TPGS2: variants seen among roughly 807,000 people sequenced by gnomAD.
TPGS2 encodes polyglutamylase subunit 2.
A neutral mutation model predicts 31.1 loss-of-function variants in TPGS2; 26 were observed. The observed-to-expected ratio is 0.84, with a 90% CI of 0.61 to 1.16. TPGS2 has a LOEUF of 1.16. Ranked by LOEUF, TPGS2 falls within the 50% of genes most tolerant of loss-of-function variation. The pLI is 0.00. For missense variants in TPGS2, 351 were observed against 363.8 expected (o/e 0.96, Z 0.29); for synonymous variants, 130 against 136.6 (o/e 0.95, Z 0.34).
In TPGS2 at chr18:36,796,442, C is replaced by CAAT; in HGVS notation, c.*360_*362dup. 1.9e-6 allele frequency: 2 copies of CAAT among 1,032,834 alleles called. No homozygotes were observed. The highest frequency in any genetic ancestry group is 9.2e-5 in the South Asian group (2 of 21,724). The allele number at this position is 1,032,834 out of a possible 1,614,324, so 64.0% of individuals were successfully genotyped here. On this transcript the variant is annotated 3_prime_UTR_variant, in exon 7 of 7. Coordinates refer to ENST00000334295, the MANE Select transcript of TPGS2 (RefSeq NM_015476.4). ...ATGTGACTAGTGGCTCCTGAATGAA[C>CAAT]AATGCAGTTCTAATGCTTCATGGGT...
chr18:36,824,381 C>G (rs1051758932), intron 1 of TPGS2, among the ~76,000 whole-genome samples: 1 of 152,036 alleles, frequency 6.6e-6, no homozygotes, highest in African/African-American at 2.4e-5. Flanking sequence ...AAATGAAATC[C>G]AGAAAGGGAA....
Position 36,818,914 on chromosome 18 carries a change from T to C in TPGS2, c.145A>G (p.Met49Val). Residue 49 changes from methionine (M) to valine (V), a missense_variant, in exon 2 of 7, where the codon ATG (methionine) becomes GTG (valine). Physicochemically the swap from Met to Val is conservative, Grantham distance 21. Transcript: ENST00000334295. ...CTTACTTGTTCCCAGGAAGAAATCA[T>C]ATGACGTTCAGCAGGAGGCTTTTCT... ...IIEKPPAERH[M>V]ISSWEQKNNC... is the part of the protein sequence containing the mutation. The C allele has an allele frequency of 1.9e-6, 3 of 1,613,718 alleles. No individual in the cohort carries two copies. Among genetic ancestry groups the C allele is most frequent in the Admixed American group, 1.7e-5 (1 of 60,002 alleles).
intron 4 of TPGS2, 70 bp from the exon 5 acceptor site, chr18:36,800,381 T>G: frequency 7.5e-7 from 1 of 1,326,718 alleles, no homozygotes; most frequent in Non-Finnish European, 1.1e-6. Flanking sequence ...ATATCCAACT[T>G]TGCTAGGTGG....
intron 4 of TPGS2, among the ~76,000 whole-genome samples, chr18:36,801,168 C>T (rs1304219174): frequency 6.6e-6 from 1 of 152,100 alleles, no homozygotes; most frequent in African/African-American, 2.4e-5. Flanking sequence ...CTGTACATGC[C>T]CTTATATTCT....
At chr18:36,792,869 A>G (rs1376151500), downstream of TPGS2, among the ~76,000 whole-genome samples, 2 of 152,232 alleles carry the variant, frequency 1.3e-5, no homozygotes, top group Non-Finnish European at 2.9e-5. Flanking sequence ...ATGCATCATG[A>G]GGCATTCTGC....
chr18:36,813,905 T>C, intron 2 of TPGS2, among the ~76,000 whole-genome samples: 1 of 152,120 alleles, frequency 6.6e-6, no homozygotes, highest in Non-Finnish European at 1.5e-5. Flanking sequence ...ACTAGTCACA[T>C]GGTGTCGCAG....
chr18:36,785,580 AG>A lies in TPGS2; in HGVS notation c.658-2450del, dbSNP rs569293044. 1.8e-4 allele frequency among the ~76,000 whole-genome samples: 28 copies of A among 152,294 alleles called. No homozygotes were observed. The South Asian group carries it at 5.8e-3, about 32-fold the overall frequency. ...CCAAGCCCATTTTATTCTCCTAATG[AG>A]CACTATTGTCTTTAAGAATAATTTT... On this transcript the variant is annotated intron_variant, in intron 6 of 6. Transcript: ENST00000587129.
At chr18:36,822,780 T>C (rs2045951454) in intron 1 of TPGS2, among the ~76,000 whole-genome samples, 1 of 152,122 alleles carries the variant, frequency 6.6e-6, no homozygotes. Context: ...TTTTTTTTTG[T>C]AGAGACAGGG....
At chr18:36,797,799 T>C (rs147157531) in intron 6 of TPGS2, among the ~76,000 whole-genome samples, 1 of 152,046 alleles carries the variant, frequency 6.6e-6, no homozygotes, top group African/African-American at 2.4e-5. Flanking sequence ...CCAGGTTGTA[T>C]ACCTGGCATC....
intron 6 of TPGS2, chr18:36,798,121 G>A: frequency 1.8e-6 from 2 of 1,104,604 alleles, no homozygotes; most frequent in Non-Finnish European, 2.2e-6. Context: ...ACAGGGGAGT[G>A]AGAATCTGAC....
chr18:36,795,743 A>T lies in TPGS2; in HGVS notation c.*1062T>A, dbSNP rs1352793862. 1 of 985,172 alleles carries T rather than the reference A, an allele frequency of 1.0e-6. No individual in the cohort carries two copies. Among genetic ancestry groups the T allele is most frequent in the East Asian group, 1.1e-4 (1 of 8,824 alleles). 61.0% of individuals were successfully genotyped at this position (985,172 alleles called of 1,614,324 possible). A position where few individuals can be genotyped will look rare whatever the true frequency, so the allele number is the denominator to read the frequency against. Reference sequence around the variant, plus strand: ...ATTACAGGCAACTTGCTTCCAAAGGAACTCTTGGAAGCCCACCCTGTTCTA... The same window carrying T: ...ATTACAGGCAACTTGCTTCCAAAGGTACTCTTGGAAGCCCACCCTGTTCTA... On this transcript the variant is annotated 3_prime_UTR_variant, in exon 7 of 7. Coordinates refer to ENST00000334295, the MANE Select transcript of TPGS2 (RefSeq NM_015476.4).
chr18:36,812,350 C>G (rs2045467466), intron 2 of TPGS2, among the ~76,000 whole-genome samples: 1 of 152,172 alleles, frequency 6.6e-6, no homozygotes, highest in Non-Finnish European at 1.5e-5. Flanking sequence ...GCCCCACCCC[C>G]TGACCTCAGG....
chr18:36,805,546 T>C (rs943638831), intron 3 of TPGS2, 44 bp from the exon 4 acceptor site: 1 of 1,611,460 alleles, frequency 6.2e-7, no homozygotes, highest in Admixed American at 1.7e-5. Flanking sequence ...AGTAACAGCC[T>C]AGTTACAATG....
intron 2 of TPGS2, 154 bp downstream of exon 2, chr18:36,818,740 A>T: frequency 1.6e-6 from 1 of 628,710 alleles, no homozygotes; most frequent in South Asian, 2.5e-5. Context: ...AGGAACTGTT[A>T]AGTGGGCTGA....
At position 36,805,406 on chromosome 18, in the gene TPGS2, G is replaced by C; in HGVS notation, c.350C>G (p.Thr117Ser). 6.2e-7 allele frequency: 1 copy of C among 1,614,020 alleles called. No homozygotes were observed. Among genetic ancestry groups the C allele is most frequent in the Non-Finnish European group, 8.5e-7 (1 of 1,179,892 alleles). The change falls in exon 4 of 7, where the codon ACT (threonine) becomes AGT (serine). Residue 117 changes from threonine to serine, a missense_variant. Thr to Ser is a moderately conservative substitution (Grantham distance 58). Coordinates refer to ENST00000334295, the MANE Select transcript of TPGS2 (RefSeq NM_015476.4). ...SSMYSLPNAP[T>S]LADLEDDTHE... ...TGTATCGTCCTCCAGGTCTGCCAGA[G>C]TGGGTGCATTAGGAAGTGAATACAT...
intron 2 of TPGS2, among the ~76,000 whole-genome samples, chr18:36,810,623 T>C (rs2045380225): frequency 6.6e-6 from 1 of 152,172 alleles, no homozygotes; most frequent in African/African-American, 2.4e-5. Flanking sequence ...ACGACTGGTA[T>C]CTGAACTAAC....
intron 1 of TPGS2, among the ~76,000 whole-genome samples, chr18:36,819,377 T>G (rs2045800749): frequency 6.6e-6 from 1 of 152,264 alleles, no homozygotes; most frequent in Admixed American, 6.5e-5. Context: ...ACTTGCTTAT[T>G]AACTTTTCTT....
At chr18:36,787,275 A>G (rs905060125) in intron 6 of TPGS2, among the ~76,000 whole-genome samples, 1 of 152,210 alleles carries the variant, frequency 6.6e-6, no homozygotes, top group African/African-American at 2.4e-5. Context: ...CAGTTGGCCC[A>G]GCTAAGCAGA....
At chr18:36,809,079 A>G (rs1264749363) in intron 2 of TPGS2, among the ~76,000 whole-genome samples, 1 of 152,214 alleles carries the variant, frequency 6.6e-6, no homozygotes, top group Non-Finnish European at 1.5e-5. Flanking sequence ...TCATCCTGTC[A>G]GTCAGTTCTA....
Sources: allele counts gnomAD v4.1 joint callset (sites outside exome capture counted in the v4.1 genomes callset), GRCh38; gene constraint gnomAD v4.1.1; transcripts MANE v1.5; gene names NCBI Gene and HGNC (gene_info 2026-07-23, HGNC 2026-07-21).